Variants in TESK2 observed in about 807,000 individuals in gnomAD.
TESK2 encodes the protein dual specificity testis-specific protein kinase 2.
TESK2 carries 39 observed loss-of-function variants against 57.1 expected under a neutral mutation model. That is an observed-to-expected ratio of 0.68 (90% CI 0.53 to 0.89). TESK2 has a LOEUF of 0.89. TESK2 is among the 40% of genes least tolerant of loss of function. The pLI is 0.00. For missense variants in TESK2, 646 were observed against 732.1 expected (o/e 0.88, Z 1.36); for synonymous variants, 249 against 267.9 (o/e 0.93, Z 0.69).
At chr1:45,399,005 A>AAC in intron 3 of TESK2, 1 of 435,330 alleles carries the variant, frequency 2.3e-6, no homozygotes, top group Non-Finnish European at 4.5e-6. Flanking sequence ...AAAAAAAAAA[A>AAC]AACAAGCCTT....
chr1:45,437,813 C>T (rs548495877), intron 2 of TESK2, among the ~76,000 whole-genome samples: 10 of 152,304 alleles, frequency 6.6e-5, no homozygotes, highest in African/African-American at 2.4e-4. Flanking sequence ...TTAACTCTGA[C>T]TACCTGGAAC....
chr1:45,475,267 C>T (rs540308350), intron 1 of TESK2, among the ~76,000 whole-genome samples: 2 of 137,124 alleles, frequency 1.5e-5, no homozygotes, highest in South Asian at 2.4e-4. Flanking sequence ...AGTGCAGTGA[C>T]GCGATCTTGG....
chr1:45,454,576 G>A (rs1033399597), intron 2 of TESK2, among the ~76,000 whole-genome samples: 1 of 151,940 alleles, frequency 6.6e-6, no homozygotes, highest in African/African-American at 2.4e-5. Flanking sequence ...ACAATGCCCA[G>A]CCAAAATGGT....
chr1:45,437,926 G>T (rs1210444751), intron 2 of TESK2, among the ~76,000 whole-genome samples: 1 of 152,096 alleles, frequency 6.6e-6, no homozygotes, highest in Non-Finnish European at 1.5e-5. Flanking sequence ...GTTTGGGGAT[G>T]GTTCTGAATA....
At chr1:45,431,870 T>G (rs1423418316) in intron 2 of TESK2, among the ~76,000 whole-genome samples, 1 of 152,178 alleles carries the variant, frequency 6.6e-6, no homozygotes, top group East Asian at 1.9e-4. Flanking sequence ...GAAACTGGGT[T>G]TGGCTCAAGG....
At chr1:45,433,177 C>A (rs910209914) in intron 2 of TESK2, among the ~76,000 whole-genome samples, 1 of 141,234 alleles carries the variant, frequency 7.1e-6, no homozygotes, top group Non-Finnish European at 1.5e-5. Context: ...TGGGTTCAAG[C>A]GATTCTTGTA....
At chr1:45,384,764 A>G (rs772056440) in intron 4 of TESK2, among the ~76,000 whole-genome samples, 5 of 151,698 alleles carry the variant, frequency 3.3e-5, no homozygotes, top group Non-Finnish European at 7.4e-5. Flanking sequence ...TGGGGCAGGT[A>G]TTATTAATTA....
At chr1:45,490,592 G>A (rs534436268) in intron 1 of TESK2, among the ~76,000 whole-genome samples, 18 of 152,240 alleles carry the variant, frequency 1.2e-4, no homozygotes, top group South Asian at 4.1e-4. Context: ...TGCGAGCGAG[G>A]TAACTTCTAA....
At chr1:45,456,576 T>A (rs553358595) in intron 2 of TESK2, among the ~76,000 whole-genome samples, 1 of 148,020 alleles carries the variant, frequency 6.8e-6, no homozygotes, top group Non-Finnish European at 1.5e-5. Context: ...AATATTTGGG[T>A]TTTTTTTTTC....
chr1:45,411,436 A>G (rs951194045), intron 3 of TESK2, among the ~76,000 whole-genome samples: 5 of 152,280 alleles, frequency 3.3e-5, no homozygotes, highest in Admixed American at 6.5e-5. Context: ...TCGCATGCAC[A>G]GTTCACAACA....
At chr1:45,488,404 T>A (rs780224125) in intron 1 of TESK2, among the ~76,000 whole-genome samples, 24 of 152,196 alleles carry the variant, frequency 1.6e-4, no homozygotes, top group Non-Finnish European at 2.9e-4. Context: ...TTCTACCACA[T>A]CATTATCCAT....
At chr1:45,417,955 A>G (rs1462611675) in intron 3 of TESK2, among the ~76,000 whole-genome samples, 2 of 152,216 alleles carry the variant, frequency 1.3e-5, no homozygotes, top group Admixed American at 1.3e-4. Context: ...TATAACAAGT[A>G]TATCTAAAGA....
At chr1:45,347,409 TAAA>T (rs1553141638) in intron 7 of TESK2, among the ~76,000 whole-genome samples, 197 bp downstream of exon 7, 1 of 151,876 alleles carries the variant, frequency 6.6e-6, no homozygotes, top group African/African-American at 2.4e-5. Context: ...CTACTAAAAA[TAAA>T]AAAATTAGCT....
chr1:45,346,265 C>T (rs1647142493), intron 9 of TESK2, among the ~76,000 whole-genome samples: 1 of 152,182 alleles, frequency 6.6e-6, no homozygotes, highest in Non-Finnish European at 1.5e-5. Flanking sequence ...TTGAGTTCTG[C>T]TCCTAATGTG....
At chr1:45,417,727 G>A (rs2149285629) in intron 3 of TESK2, among the ~76,000 whole-genome samples, 1 of 152,068 alleles carries the variant, frequency 6.6e-6, no homozygotes, top group Admixed American at 6.5e-5. Flanking sequence ...GAGTGGCTGG[G>A]ACTACAGGCA....
At chr1:45,386,071 A>G in intron 3 of TESK2, 111 bp from the exon 4 acceptor site, 1 of 687,664 alleles carries the variant, frequency 1.5e-6, no homozygotes, top group Non-Finnish European at 2.5e-6. Context: ...GGGGTGCGGC[A>G]TGATGGCTTA....
At position 45,345,368 on chromosome 1, in the gene TESK2, G is replaced by T; in HGVS notation, c.1188C>A (p.Thr396=). ...YYRPRDGAAR[T]PKVNPFSARQ... Reference sequence around the variant, plus strand: ...GAGCACTAAAAGGGTTGACTTTGGGGGTGCGGGCAGCACCATCTCGTGGCC... The same window carrying T: ...GAGCACTAAAAGGGTTGACTTTGGGTGTGCGGGCAGCACCATCTCGTGGCC... The change falls in exon 11 of 11, where the codon ACC becomes ACA. Residue 396 remains threonine (T), a synonymous_variant. Transcript: ENST00000372086. 2 of 1,614,128 alleles carry T rather than the reference G, an allele frequency of 1.2e-6. No homozygotes were observed. Among genetic ancestry groups the T allele is most frequent in the Non-Finnish European group, 8.5e-7 (1 of 1,180,034 alleles).
intron 2 of TESK2, among the ~76,000 whole-genome samples, chr1:45,450,948 G>A (rs1041610553): frequency 2.0e-5 from 3 of 152,116 alleles, no homozygotes; most frequent in African/African-American, 4.8e-5. Flanking sequence ...GGTTACAGGT[G>A]TAAGCCACCA....
chr1:45,412,508 T>C (rs1218390733), intron 3 of TESK2, among the ~76,000 whole-genome samples: 2 of 152,172 alleles, frequency 1.3e-5, no homozygotes, highest in East Asian at 1.9e-4. Context: ...ATTTCCTACA[T>C]AGTATAATTT....
Sources: allele counts gnomAD v4.1 joint callset (sites outside exome capture counted in the v4.1 genomes callset), GRCh38; gene constraint gnomAD v4.1.1; transcripts MANE v1.5; gene names NCBI Gene and HGNC (gene_info 2026-07-23, HGNC 2026-07-21).